Variants in ZBTB20 observed in about 807,000 individuals in gnomAD.
ZBTB20 encodes the protein zinc finger and BTB domain containing 20, also known as zinc finger and BTB domain-containing protein 20.
A neutral mutation model predicts 56.9 loss-of-function variants in ZBTB20; 9 were observed. That is an observed-to-expected ratio of 0.16 (90% confidence interval 0.10 to 0.28). The LOEUF (loss-of-function observed/expected upper bound fraction) is 0.28, where lower values mean the gene tolerates loss of function less well. Among genes scored for constraint, ZBTB20 ranks in the 10% least tolerant of loss-of-function variants. The probability of loss-of-function intolerance (pLI) is 1.00; values close to 1 mark genes in which losing one functional copy is unlikely to be tolerated. For synonymous variants in ZBTB20, 417 were observed against 420.7 expected (o/e 0.99, Z 0.11); for missense variants, 655 against 1,003.0 (o/e 0.65, Z 4.69).
At chr3:114,725,585 A>T (rs2065215693) in intron 5 of ZBTB20, among the ~76,000 whole-genome samples, 1 of 152,230 alleles carries the variant, frequency 6.6e-6, no homozygotes, top group South Asian at 2.1e-4. Flanking sequence ...AAATGAATAT[A>T]CTCAACTTAC....
intron 6 of ZBTB20, among the ~76,000 whole-genome samples, chr3:114,640,540 C>A (rs2059503914): frequency 1.3e-5 from 2 of 152,044 alleles, no homozygotes; most frequent in African/African-American, 2.4e-5. Flanking sequence ...GATAACCATG[C>A]CTCTCAGTCT....
At chr3:114,946,809 G>C (rs571144075) in intron 3 of ZBTB20, among the ~76,000 whole-genome samples, 2 of 145,216 alleles carry the variant, frequency 1.4e-5, no homozygotes, top group South Asian at 4.3e-4. Context: ...ACAGACAAAT[G>C]GTACTTAATT....
chr3:114,741,757 C>T (rs978829488), intron 5 of ZBTB20, among the ~76,000 whole-genome samples: 1 of 151,490 alleles, frequency 6.6e-6, no homozygotes, highest in African/African-American at 2.4e-5. Flanking sequence ...TGGTGGGCAC[C>T]TGTAATCCCA....
intron 2 of ZBTB20, among the ~76,000 whole-genome samples, chr3:114,986,224 C>T (rs1311472825): frequency 1.3e-5 from 2 of 152,034 alleles, no homozygotes; most frequent in East Asian, 1.9e-4. Context: ...TTATCACTGC[C>T]GCCTAATCCT....
chr3:114,493,353 A>G (rs1428830774), intron 7 of ZBTB20, among the ~76,000 whole-genome samples: 2 of 152,248 alleles, frequency 1.3e-5, no homozygotes. Flanking sequence ...CATAATGTAC[A>G]GGTGTTGTAC....
chr3:114,586,130 A>T (rs908468605), intron 6 of ZBTB20, among the ~76,000 whole-genome samples: 2 of 152,242 alleles, frequency 1.3e-5, no homozygotes, highest in African/African-American at 4.8e-5. Context: ...GGCTCCCATT[A>T]AGGGGAAATG....
At chr3:115,059,538 T>C (rs934236260) in intron 2 of ZBTB20, among the ~76,000 whole-genome samples, 1 of 152,216 alleles carries the variant, frequency 6.6e-6, no homozygotes, top group Non-Finnish European at 1.5e-5. Context: ...TGGTTGTTCT[T>C]TGCCGGCCTT....
chr3:114,664,357 G>C (rs1365763400), intron 6 of ZBTB20, among the ~76,000 whole-genome samples: 1 of 151,980 alleles, frequency 6.6e-6, no homozygotes, highest in Non-Finnish European at 1.5e-5. Context: ...TGGTAACCAA[G>C]GAACTAAGAG....
chr3:114,486,730 G>A (rs1434699285), intron 7 of ZBTB20, among the ~76,000 whole-genome samples: 3 of 152,118 alleles, frequency 2.0e-5, no homozygotes, highest in African/African-American at 4.8e-5. Context: ...AAAGTACAAG[G>A]TTAATTTTAA....
In ZBTB20 at chr3:114,770,752, A is replaced by G. The variant is rs571739459; in HGVS notation, c.-343+30349T>C. On this transcript the variant is annotated intron_variant, in intron 5 of 11. Transcript: ENST00000675478. Reference sequence around the variant, plus strand: ...AAATTATGCATAACATTTTAATTATAGCTTGAATATCCTTTATCTACAATA... The same window carrying G: ...AAATTATGCATAACATTTTAATTATGGCTTGAATATCCTTTATCTACAATA... 3.9e-5 allele frequency among the ~76,000 whole-genome samples: 6 copies of G among 152,350 alleles called. No homozygotes were observed. In the South Asian group the frequency reaches 6.2e-4, roughly 16 times the overall value.
chr3:114,684,168 C>T (rs2062172730), intron 6 of ZBTB20, among the ~76,000 whole-genome samples: 1 of 152,194 alleles, frequency 6.6e-6, no homozygotes, highest in South Asian at 2.1e-4. Flanking sequence ...AGATTTTTAG[C>T]AGTGCTTCTG....
chr3:114,678,093 G>A (rs542436094), intron 6 of ZBTB20, among the ~76,000 whole-genome samples: 85 of 152,222 alleles, frequency 5.6e-4, no homozygotes, highest in Non-Finnish European at 9.9e-4. Flanking sequence ...TTTGTCTGTA[G>A]TATTCTCATA....
chr3:115,106,815 C>A (rs1403761193), intron 1 of ZBTB20, among the ~76,000 whole-genome samples: 4 of 152,112 alleles, frequency 2.6e-5, no homozygotes, highest in African/African-American at 9.7e-5. Flanking sequence ...CCCCTCTGCC[C>A]CCCAGAGCAG....
At chr3:114,353,080 T>C (rs1313663504) in intron 10 of ZBTB20, among the ~76,000 whole-genome samples, 1 of 152,218 alleles carries the variant, frequency 6.6e-6, no homozygotes, top group Non-Finnish European at 1.5e-5. Context: ...TTTTTCTAGC[T>C]CATCTCTCAG....
chr3:114,815,773 A>T (rs572678464), intron 4 of ZBTB20, among the ~76,000 whole-genome samples: 17 of 152,258 alleles, frequency 1.1e-4, no homozygotes, highest in Admixed American at 3.3e-4. Flanking sequence ...CATAAATATT[A>T]AACCATTTCT....
At chr3:114,910,651 A>G (rs1009442324) in intron 3 of ZBTB20, among the ~76,000 whole-genome samples, 2 of 152,022 alleles carry the variant, frequency 1.3e-5, no homozygotes, top group Non-Finnish European at 2.9e-5. Flanking sequence ...TATCAGCCAT[A>G]TAAGTGGTTT....
chr3:114,618,353 G>A (rs183001900), intron 6 of ZBTB20, among the ~76,000 whole-genome samples: 33 of 151,618 alleles, frequency 2.2e-4, no homozygotes, highest in African/African-American at 7.7e-4. Context: ...GGGCTCAAGG[G>A]ATAAGGGATC....
intron 6 of ZBTB20, among the ~76,000 whole-genome samples, chr3:114,561,308 C>T (rs2110283578): frequency 6.6e-6 from 1 of 152,282 alleles, no homozygotes; most frequent in Admixed American, 6.5e-5. Flanking sequence ...CACAAATGTT[C>T]TTTATGACAT....
intron 6 of ZBTB20, among the ~76,000 whole-genome samples, chr3:114,501,113 C>G (rs973913809): frequency 2.0e-5 from 3 of 152,160 alleles, no homozygotes; most frequent in Non-Finnish European, 2.9e-5. Context: ...GACTTGCCTT[C>G]TAAAACTGCC....
Sources: allele counts gnomAD v4.1 joint callset (sites outside exome capture counted in the v4.1 genomes callset), GRCh38; gene constraint gnomAD v4.1.1; transcripts MANE v1.5; gene names NCBI Gene and HGNC (gene_info 2026-07-23, HGNC 2026-07-21).